Variants in KCNH1 observed in about 807,000 individuals in gnomAD.
KCNH1 encodes voltage-gated delayed rectifier potassium channel KCNH1.
In KCNH1, 27 loss-of-function variants were observed where a neutral mutation model predicts 69.2. The observed-to-expected ratio is 0.39, with a 90% CI of 0.29 to 0.54. The LOEUF (loss-of-function observed/expected upper bound fraction) is 0.54. Among genes scored for constraint, KCNH1 ranks in the 20% least tolerant of loss-of-function variants. KCNH1 has a pLI of 0.68. For synonymous variants in KCNH1, 456 were observed against 487.7 expected (o/e 0.93, Z 0.86); for missense variants, 798 against 1,261.6 (o/e 0.63, Z 5.57).
At chr1:210,785,396 T>C (rs1160595004) in intron 9 of KCNH1, among the ~76,000 whole-genome samples, 2 of 142,572 alleles carry the variant, frequency 1.4e-5, no homozygotes, top group African/African-American at 2.7e-5. Flanking sequence ...TCTCTTACTC[T>C]GTTTTTTTTT....
chr1:210,740,731 T>TTTTTTTTTTTTTTTTTTTG (rs1558449289), intron 10 of KCNH1, among the ~76,000 whole-genome samples: 1 of 119,502 alleles, frequency 8.4e-6, no homozygotes, highest in African/African-American at 3.6e-5. Flanking sequence ...TTTTTTTTTT[T>TTTTTTTTTTTTTTTTTTTG]TACTAAAAGA....
At chr1:210,762,264 A>C (rs535972226) in intron 10 of KCNH1, among the ~76,000 whole-genome samples, 2 of 152,328 alleles carry the variant, frequency 1.3e-5, no homozygotes, top group East Asian at 3.9e-4. Context: ...CTAAATGCCT[A>C]TATCAAGAAG....
chr1:211,041,432 A>C (rs1407115101), intron 5 of KCNH1, among the ~76,000 whole-genome samples: 1 of 152,114 alleles, frequency 6.6e-6, no homozygotes, highest in African/African-American at 2.4e-5. Flanking sequence ...TCTACCACCA[A>C]ATAAATATAA....
intron 7 of KCNH1, chr1:210,859,331 C>T: frequency 6.6e-7 from 1 of 1,525,810 alleles, no homozygotes. Flanking sequence ...TTTCTTTGTT[C>T]TTCATTAAGA....
At chr1:211,118,385 C>G (rs950918922) in intron 1 of KCNH1, among the ~76,000 whole-genome samples, 10 of 152,174 alleles carry the variant, frequency 6.6e-5, no homozygotes, top group African/African-American at 2.4e-4. Flanking sequence ...TAGGTTCAAC[C>G]TGGCTGCCCT....
chr1:211,075,041 G>C (rs1401968511), intron 5 of KCNH1, among the ~76,000 whole-genome samples: 8 of 152,198 alleles, frequency 5.3e-5, no homozygotes, highest in Non-Finnish European at 1.0e-4. Context: ...TTGCAGTTAA[G>C]CATGGTGTGT....
chr1:210,768,222 T>C (rs1418997466), intron 10 of KCNH1, among the ~76,000 whole-genome samples: 1 of 152,236 alleles, frequency 6.6e-6, no homozygotes, highest in Non-Finnish European at 1.5e-5. Context: ...TCGTCTTCTT[T>C]ATCATAATTA....
chr1:210,977,333 T>A (rs1688632865), intron 6 of KCNH1, among the ~76,000 whole-genome samples: 1 of 152,012 alleles, frequency 6.6e-6, no homozygotes, highest in Non-Finnish European at 1.5e-5. Flanking sequence ...TTAGGAGATA[T>A]ACCTAATGTA....
chr1:210,699,286 A>C (rs1461604962), intron 10 of KCNH1, among the ~76,000 whole-genome samples: 1 of 152,172 alleles, frequency 6.6e-6, no homozygotes, highest in Non-Finnish European at 1.5e-5. Flanking sequence ...TGTGGCCCTC[A>C]TGTGTCACTG....
chr1:210,701,251 G>T (rs1681771404), intron 10 of KCNH1, among the ~76,000 whole-genome samples: 1 of 151,680 alleles, frequency 6.6e-6, no homozygotes, highest in African/African-American at 2.4e-5. Flanking sequence ...TTATTTTTTT[G>T]GTAGGAGACA....
chr1:211,129,971 C>T (rs1691847897), intron 1 of KCNH1, among the ~76,000 whole-genome samples: 2 of 152,166 alleles, frequency 1.3e-5, no homozygotes, highest in African/African-American at 4.8e-5. Context: ...ATGTTCTGCC[C>T]AGAATGGGAC....
chr1:210,721,832 T>C (rs1682471319), intron 10 of KCNH1, among the ~76,000 whole-genome samples: 1 of 148,988 alleles, frequency 6.7e-6, no homozygotes, highest in Non-Finnish European at 1.5e-5. Flanking sequence ...AATAAATAAA[T>C]GAAAAAGAAA....
chr1:211,059,266 C>T lies in KCNH1; in HGVS notation c.558+23514G>A, dbSNP rs190148963. Among the ~76,000 whole-genome samples the T allele has an allele frequency of 1.1e-3, 161 of 145,200 alleles. 2 individuals carry two copies. The highest frequency in any genetic ancestry group is 2.3e-3 in the Admixed American group (33 of 14,422). ...CTATACTCCAGCCTGGGCAACAGAGCGAGACTCCATCTCAAAAAAAAAAAA... is the reference window on the plus strand; with the variant it reads ...CTATACTCCAGCCTGGGCAACAGAGTGAGACTCCATCTCAAAAAAAAAAAA... On this transcript the variant is annotated intron_variant, in intron 5 of 10. Coordinates refer to ENST00000271751, the MANE Select transcript of KCNH1 (RefSeq NM_172362.3).
At chr1:211,097,668 C>G (rs746235900) in intron 3 of KCNH1, among the ~76,000 whole-genome samples, 1 of 152,226 alleles carries the variant, frequency 6.6e-6, no homozygotes, top group Non-Finnish European at 1.5e-5. Flanking sequence ...TTTCTTACAT[C>G]TATATCTCTG....
In KCNH1 at chr1:210,775,435, A is replaced by G. The variant is rs779903745; in HGVS notation, c.2025T>C (p.Asp675=). The change falls in exon 10 of 11, where the codon GAT becomes GAC. Residue 675 remains aspartate (D), a synonymous_variant. Coordinates refer to ENST00000271751, the MANE Select transcript of KCNH1 (RefSeq NM_172362.3). The part of the protein sequence containing the change: ...TYCDLHVIKR[D]ALQKVLEFYT... Reference sequence around the variant, plus strand: ...AGAATTCCAGCACTTTCTGCAGGGCATCCCGCTTGATCACATGCAGATCAC... The same window carrying G: ...AGAATTCCAGCACTTTCTGCAGGGCGTCCCGCTTGATCACATGCAGATCAC... The G allele has an allele frequency of 9.9e-6, 16 of 1,614,192 alleles. No homozygotes were observed. In the Admixed American group the frequency reaches 2.7e-4, roughly 27 times the overall value.
intron 5 of KCNH1, among the ~76,000 whole-genome samples, chr1:211,027,199 C>A (rs1242105806): frequency 6.6e-6 from 1 of 151,894 alleles, no homozygotes; most frequent in Non-Finnish European, 1.5e-5. Context: ...TAATTAGGGA[C>A]AAGTTTGAAA....
chr1:210,943,950 G>C (rs141880014), intron 6 of KCNH1, among the ~76,000 whole-genome samples: 1 of 152,326 alleles, frequency 6.6e-6, no homozygotes, highest in Non-Finnish European at 1.5e-5. Flanking sequence ...CCAGGGACTG[G>C]AAGCTGGCTT....
chr1:210,715,154 A>G (rs563046186), intron 10 of KCNH1, among the ~76,000 whole-genome samples: 73 of 152,312 alleles, frequency 4.8e-4, no homozygotes, highest in African/African-American at 1.8e-3. Context: ...ACCCCCAGCT[A>G]TCTTCCATCA....
At chr1:210,865,569 AC>A (rs1045549132) in intron 7 of KCNH1, among the ~76,000 whole-genome samples, 22 of 152,234 alleles carry the variant, frequency 1.4e-4, no homozygotes, top group African/African-American at 5.3e-4. Context: ...CACAGTGTAC[AC>A]ACAATGCTGA....
Sources: gnomAD v4.1 joint callset for allele counts (sites outside exome capture counted in the v4.1 genomes callset) on GRCh38, gnomAD v4.1.1 for gene constraint, MANE v1.5 for transcripts, NCBI Gene and HGNC (gene_info 2026-07-23, HGNC 2026-07-21) for gene names.